RYR1: variants seen among roughly 807,000 people sequenced by gnomAD.
RYR1 encodes central core disease of muscle.
Under a neutral mutation model 583.5 loss-of-function variants are expected in RYR1, and 342 were observed. That is an observed-to-expected ratio of 0.59 (90% CI 0.54 to 0.64). The LOEUF (loss-of-function observed/expected upper bound fraction) is 0.64. Ranked by LOEUF, RYR1 falls within the 30% of genes least tolerant of loss-of-function variation. The pLI is 0.00. For missense variants in RYR1, 6,032 were observed against 6,917.2 expected, an observed-to-expected ratio of 0.87 and a Z score of 4.54; for synonymous variants, 2,791 against 2,822.5, an observed-to-expected ratio of 0.99 and a Z score of 0.35.
Position 38,561,454 on chromosome 19 carries a change from G to A in RYR1, c.12624G>A (p.Gln4208=). The part of the protein sequence containing the change: ...ETNRAQWEMP[Q]VKESKRQFIF... Reference sequence around the variant, plus strand: ...ACCGCGCCCAGTGGGAGATGCCCCAGGTCAGGGAACCCGCGCGCGTGCAAG... The same window carrying A: ...ACCGCGCCCAGTGGGAGATGCCCCAAGTCAGGGAACCCGCGCGCGTGCAAG... The change falls in exon 90 of 106, where the codon CAG becomes CAA. Residue 4208 remains glutamine (Q), a splice_region_variant and synonymous_variant. Transcript: ENST00000359596. This position sits in a 1 kb window ranked among gnomAD's most constrained non-coding sequence, Gnocchi z 4.8. 1 of 1,606,164 alleles carries A rather than the reference G, an allele frequency of 6.2e-7. No individual in the cohort carries two copies.
intron 11 of RYR1, 82 bp downstream of exon 11, chr19:38,448,895 G>A: frequency 1.5e-6 from 2 of 1,334,100 alleles, no homozygotes; most frequent in Non-Finnish European, 2.1e-6. Context: ...GTGAGCTGGT[G>A]ATCATGCCAC....
chr19:38,507,889 G>T (rs960531737), intron 58 of RYR1, 62 bp downstream of exon 58: 2 of 993,810 alleles, frequency 2.0e-6, no homozygotes, highest in Non-Finnish European at 3.2e-6. Context: ...CTGCAGACCA[G>T]ACTCACCTAG....
At chr19:38,450,112 C>T (rs546532277) in intron 11 of RYR1, among the ~76,000 whole-genome samples, 5 of 152,250 alleles carry the variant, frequency 3.3e-5, no homozygotes, top group African/African-American at 1.2e-4. Flanking sequence ...CGCAGGATCA[C>T]AGAATTCTTA....
rs1568502307 is a variant in RYR1, at chr19:38,500,560, G to A, written c.7324-46G>A. 2 of 1,610,648 alleles carry A rather than the reference G, an allele frequency of 1.2e-6. No individual in the cohort carries two copies. The highest frequency in any genetic ancestry group is 1.7e-5 in the Admixed American group (1 of 59,988). On this transcript the variant is annotated intron_variant, in intron 45 of 105. Transcript: ENST00000359596. The surrounding 1 kb of genome is among the most constrained non-coding windows in gnomAD (Gnocchi z 5.9). ...GGGAGCAGAGCAGTCACTGAGTGGG[G>A]CACCAGCGCCTGATGAGTGCCCCTC... is the stretch of plus-strand genomic sequence containing the variant.
chr19:38,520,610 G>C (rs1184268794), intron 67 of RYR1, among the ~76,000 whole-genome samples: 1 of 148,106 alleles, frequency 6.8e-6, no homozygotes, highest in Non-Finnish European at 1.5e-5. Flanking sequence ...CAGGAGAATC[G>C]CCTGAGCCTG....
intron 31 of RYR1, among the ~76,000 whole-genome samples, chr19:38,481,606 T>C (rs566057723): frequency 5.9e-5 from 9 of 152,296 alleles, no homozygotes; most frequent in African/African-American, 1.9e-4. Flanking sequence ...GTGTGGTCCC[T>C]GGACCAACCA....
rs1600871036 is a variant in RYR1, at chr19:38,512,166, A to G, written c.9233+34A>G. The G allele has an allele frequency of 6.2e-7, 1 of 1,613,508 alleles. No homozygotes were observed. Among genetic ancestry groups the G allele is most frequent in the African/African-American group, 1.3e-5 (1 of 74,832 alleles). On this transcript the variant is annotated intron_variant, in intron 62 of 105. Coordinates refer to ENST00000359596, the MANE Select transcript of RYR1 (RefSeq NM_000540.3). This position sits in a 1 kb window ranked among gnomAD's most constrained non-coding sequence, Gnocchi z 5.1. ...ATAGGCAGTGGCGCCCACTCCCACCATCATCGGGCCCCCACCCCAACCCCT... is the reference window on the plus strand; with the variant it reads ...ATAGGCAGTGGCGCCCACTCCCACCGTCATCGGGCCCCCACCCCAACCCCT...
At position 38,478,732 on chromosome 19, in the gene RYR1, G is replaced by T. The variant is rs1052965494; in HGVS notation, c.4620+132G>T. On this transcript the variant is annotated intron_variant, in intron 31 of 105. Transcript: ENST00000359596. ...GCTCCTAGGCTGTCCTCAAGAGGTC[G>T]CTGGGAGACCACCTTGTTGAAACTT... is the stretch of plus-strand genomic sequence containing the variant. The T allele has an allele frequency of 1.8e-5, 17 of 965,990 alleles. No individual in the cohort carries two copies. In the Admixed American group the frequency reaches 2.4e-4, roughly 13 times the overall value. 59.8% of individuals were successfully genotyped at this position (965,990 alleles called of 1,614,324 possible).
chr19:38,583,113 G>A (rs965422432), intron 101 of RYR1, among the ~76,000 whole-genome samples: 10 of 151,942 alleles, frequency 6.6e-5, no homozygotes, highest in Admixed American at 1.3e-4. Flanking sequence ...TCTGGCCAAC[G>A]TGGTGAAACC....
intron 64 of RYR1, among the ~76,000 whole-genome samples, 155 bp from the exon 65 acceptor site, chr19:38,515,932 C>T (rs565745289): frequency 6.6e-6 from 1 of 152,148 alleles, no homozygotes; most frequent in Non-Finnish European, 1.5e-5. Context: ...CAGAGCGAGA[C>T]CCTGTCTTAA....
chr19:38,582,924 G>A (rs1454244367), intron 101 of RYR1, among the ~76,000 whole-genome samples: 1 of 152,080 alleles, frequency 6.6e-6, no homozygotes, highest in Non-Finnish European at 1.5e-5. Context: ...GCTGCCCACA[G>A]CCTCGTTCTC....
chr19:38,576,840 CA>C (rs1973976271), intron 97 of RYR1, among the ~76,000 whole-genome samples: 1 of 152,020 alleles, frequency 6.6e-6, no homozygotes, highest in African/African-American at 2.4e-5. Context: ...AGGAAGTTAG[CA>C]ATATGTCTTA....
intron 14 of RYR1, 35 bp downstream of exon 14, chr19:38,455,405 C>T (rs377420195): frequency 1.1e-5 from 17 of 1,613,856 alleles, no homozygotes; most frequent in Non-Finnish European, 1.4e-5. Context: ...CTGAGAACAC[C>T]CCAGATCCCC....
At chr19:38,519,661 G>T (rs377518208) in intron 67 of RYR1, among the ~76,000 whole-genome samples, 2 of 152,082 alleles carry the variant, frequency 1.3e-5, no homozygotes, top group East Asian at 1.9e-4. Context: ...TTTTGTTTTT[G>T]GTTTTTGGGT....
chr19:38,537,357 C>G (rs186232189), intron 83 of RYR1, among the ~76,000 whole-genome samples: 1 of 152,108 alleles, frequency 6.6e-6, no homozygotes, highest in Non-Finnish European at 1.5e-5. Context: ...CTTGTTTACA[C>G]GCCTCCCCTG....
Position 38,489,388 on chromosome 19 carries a change from A to G in RYR1, c.5759A>G (p.Glu1920Gly), listed in dbSNP as rs745694069. 4 of 1,613,832 alleles carry G rather than the reference A, an allele frequency of 2.5e-6. No individual in the cohort carries two copies. The African/African-American group carries it at 5.3e-5, about 22-fold the overall frequency. The change falls in exon 35 of 106, where the codon GAA becomes GGA. Residue 1920 changes from glutamate to glycine, a missense_variant. This residue lies in a region of RYR1 where 2,627 missense variants were observed against 2,961.3 expected (regional missense o/e 0.89). Transcript: ENST00000359596. ...EEEAAEGEKE[E>G]GLEEGLLQMK... is the part of the protein sequence containing the mutation. ...GAGGCAGCAGAAGGGGAGAAAGAAG[A>G]AGGCTTGGAGGAAGGGCTGCTCCAG... is the stretch of plus-strand genomic sequence containing the variant.
chr19:38,494,495 C>T lies in RYR1; in HGVS notation c.6418C>T (p.Arg2140Trp), dbSNP rs750275456. ...GLGELLRALP[R>W]AYTISPSSVE... Reference sequence around the variant, plus strand: ...GGGTGAGCTGCTGCGTGCCCTGCCGCGGGCGTACACCATCTCACCGTCCTC... The same window carrying T: ...GGGTGAGCTGCTGCGTGCCCTGCCGTGGGCGTACACCATCTCACCGTCCTC... The change falls in exon 39 of 106, where the codon CGG becomes TGG. Residue 2140 changes from arginine (R) to tryptophan (W), a missense_variant. Physicochemically the swap from Arg to Trp is moderately radical, Grantham distance 101. This residue lies in a region of RYR1 where 2,627 missense variants were observed against 2,961.3 expected (regional missense o/e 0.89). Coordinates refer to ENST00000359596, the MANE Select transcript of RYR1 (RefSeq NM_000540.3). 2.4e-5 allele frequency: 39 copies of T among 1,613,270 alleles called. No individual in the cohort carries two copies. The highest frequency in any genetic ancestry group is 3.0e-5 in the Non-Finnish European group (35 of 1,180,032).
Position 38,452,956 on chromosome 19 carries a change from A to C in RYR1, c.1382A>C (p.Glu461Ala). 6.2e-7 allele frequency: 1 copy of C among 1,613,980 alleles called. No homozygotes were observed. The highest frequency in any genetic ancestry group is 8.5e-7 in the Non-Finnish European group (1 of 1,179,888). ...FEPPSEDLQHEEKQSKLRSLR... is the reference protein window; with the variant it reads ...FEPPSEDLQHAEKQSKLRSLR... The stretch of plus-strand genomic sequence containing the variant: ...CCTCCCTCCGAGGACTTGCAGCACG[A>C]GGAGAAGCAGAGCAAGCTGCGAAGC... Residue 461 changes from glutamate to alanine, a missense_variant, in exon 13 of 106, where the codon GAG (glutamate) becomes GCG (alanine). Physicochemically the swap from Glu to Ala is moderately radical, Grantham distance 107 (BLOSUM62 -1). This residue lies in a region of RYR1 where 2,627 missense variants were observed against 2,961.3 expected (regional missense o/e 0.89). Coordinates refer to ENST00000359596, the MANE Select transcript of RYR1 (RefSeq NM_000540.3).
intron 93 of RYR1, among the ~76,000 whole-genome samples, chr19:38,569,342 C>T (rs1417549839): frequency 6.6e-6 from 1 of 151,562 alleles, no homozygotes; most frequent in Non-Finnish European, 1.5e-5. Context: ...TTAATTACTG[C>T]TCCTTGCAGA....
Sources: gnomAD v4.1 joint callset for allele counts (sites outside exome capture counted in the v4.1 genomes callset) on GRCh38, gnomAD v4.1.1 for gene constraint, gnomAD v4.1.1 regional missense constraint, Gnocchi (gnomAD v3.1) non-coding constraint, MANE v1.5 for transcripts, NCBI Gene and HGNC (gene_info 2026-07-23, HGNC 2026-07-21) for gene names.